ESR1: variants seen among roughly 807,000 people sequenced by gnomAD.
ESR1 encodes estrogen receptor 1, also known as estrogen receptor.
A neutral mutation model predicts 52.7 loss-of-function variants in ESR1; 12 were observed. The ratio of observed to expected loss-of-function variants is 0.23; its 90% CI spans 0.15 to 0.37. The LOEUF (loss-of-function observed/expected upper bound fraction) is 0.37, where lower values mean the gene tolerates loss of function less well. Among genes scored for constraint, ESR1 ranks in the 10% least tolerant of loss-of-function variants. The pLI is 1.00. For missense variants in ESR1, 584 were observed against 779.7 expected (o/e 0.75, Z 2.99); for synonymous variants, 305 against 316.8 (o/e 0.96, Z 0.39).
chr6:152,113,967 G>C (rs1356144901), intron 6 of ESR1, among the ~76,000 whole-genome samples: 1 of 152,182 alleles, frequency 6.6e-6, no homozygotes, highest in African/African-American at 2.4e-5. Flanking sequence ...GTTATGGAAG[G>C]AGCCTCTGTA....
intron 2 of ESR1, among the ~76,000 whole-genome samples, chr6:151,753,191 C>G (rs116336128): frequency 6.6e-6 from 1 of 152,142 alleles, no homozygotes; most frequent in African/African-American, 2.4e-5. Context: ...CCAAAAAGAT[C>G]CTACAAACTG....
Position 151,891,164 on chromosome 6 carries a change from T to C in ESR1, c.760+10393T>C, listed in dbSNP as rs541903103. On this transcript the variant is annotated intron_variant, in intron 3 of 7. Transcript: ENST00000206249. The stretch of plus-strand genomic sequence containing the variant: ...ATTAATTTTTTAATACTCAATTTAT[T>C]TGATTGCTTATTTAGAGATAATTTT... Among the ~76,000 whole-genome samples the C allele has an allele frequency of 3.9e-5, 6 of 152,298 alleles. No homozygotes were observed. In the East Asian group the frequency reaches 9.6e-4, roughly 24 times the overall value.
chr6:151,689,336 C>T (rs780960360), upstream of ESR1, among the ~76,000 whole-genome samples: 1 of 152,192 alleles, frequency 6.6e-6, no homozygotes, highest in Non-Finnish European at 1.5e-5. Context: ...CTTACAGAAC[C>T]CCCACAATGC....
intron 1 of ESR1, among the ~76,000 whole-genome samples, chr6:151,657,548 G>A (rs996575570): frequency 1.3e-5 from 2 of 152,130 alleles, no homozygotes; most frequent in Non-Finnish European, 2.9e-5. Flanking sequence ...TCTACCATGG[G>A]TGTTTAGGTT....
At chr6:152,001,451 C>A (rs1431040759) in intron 4 of ESR1, among the ~76,000 whole-genome samples, 1 of 152,060 alleles carries the variant, frequency 6.6e-6, no homozygotes, top group Non-Finnish European at 1.5e-5. Flanking sequence ...ATGAATACAT[C>A]TTAACATCCT....
intron 5 of ESR1, among the ~76,000 whole-genome samples, chr6:152,013,625 C>T (rs947647212): frequency 5.3e-5 from 8 of 152,040 alleles, no homozygotes; most frequent in Admixed American, 2.0e-4. Context: ...TTTGACATTA[C>T]TGCACCCAAA....
At chr6:151,906,645 G>T (rs983761059) in intron 3 of ESR1, among the ~76,000 whole-genome samples, 1 of 149,622 alleles carries the variant, frequency 6.7e-6, no homozygotes, top group Non-Finnish European at 1.5e-5. Context: ...ATCTTTTACA[G>T]ATATTTATAT....
intron 3 of ESR1, among the ~76,000 whole-genome samples, chr6:151,909,267 G>A (rs543367436): frequency 1.8e-4 from 28 of 152,302 alleles, no homozygotes; most frequent in African/African-American, 6.0e-4. Flanking sequence ...CCTGCTAGCC[G>A]TTTACAGCGA....
intron 3 of ESR1, among the ~76,000 whole-genome samples, chr6:151,921,020 G>A (rs151078037): frequency 3.7e-4 from 57 of 152,020 alleles, no homozygotes; most frequent in African/African-American, 1.3e-3. Context: ...TGCTGCACCC[G>A]TCAGCTCATC....
intron 3 of ESR1, among the ~76,000 whole-genome samples, chr6:151,897,918 T>A (rs940358357): frequency 6.6e-6 from 1 of 152,220 alleles, no homozygotes; most frequent in Non-Finnish European, 1.5e-5. Context: ...GCGTTGTTTT[T>A]ATCTGAAAAA....
intron 3 of ESR1, among the ~76,000 whole-genome samples, chr6:151,899,599 A>C (rs1210069123): frequency 1.4e-5 from 2 of 145,886 alleles, no homozygotes; most frequent in African/African-American, 5.0e-5. Flanking sequence ...TCCCTCCCGG[A>C]CGGGGTGGCT....
chr6:151,748,947 A>G (rs973598814), intron 2 of ESR1, among the ~76,000 whole-genome samples: 9 of 152,190 alleles, frequency 5.9e-5, no homozygotes, highest in African/African-American at 2.2e-4. Context: ...ACTGGCATTT[A>G]TTCAGCATTT....
upstream of ESR1, among the ~76,000 whole-genome samples, chr6:151,800,760 G>A (rs577667288): frequency 4.1e-4 from 62 of 152,158 alleles, 1 homozygote; most frequent in Middle Eastern, 3.4e-3. Flanking sequence ...ATATTTTTTT[G>A]AGTGAATTGA....
intron 2 of ESR1, among the ~76,000 whole-genome samples, chr6:151,871,844 G>T (rs1006716081): frequency 2.0e-5 from 3 of 152,096 alleles, no homozygotes; most frequent in African/African-American, 7.2e-5. Flanking sequence ...TTGTCCTTTT[G>T]TGTCTGGCTT....
intron 6 of ESR1, among the ~76,000 whole-genome samples, chr6:152,077,162 G>A (rs999651055): frequency 6.6e-6 from 1 of 152,212 alleles, no homozygotes; most frequent in South Asian, 2.1e-4. Context: ...TAGGAACTTG[G>A]TGCCCTGCAT....
At chr6:151,897,748 AT>A (rs912099486) in intron 3 of ESR1, among the ~76,000 whole-genome samples, 19 of 151,754 alleles carry the variant, frequency 1.3e-4, no homozygotes, top group African/African-American at 4.6e-4. Flanking sequence ...TATACCTTGG[AT>A]TTTTTTTAGT....
At chr6:152,019,409 A>G (rs1040962738) in intron 5 of ESR1, among the ~76,000 whole-genome samples, 3 of 152,212 alleles carry the variant, frequency 2.0e-5, no homozygotes, top group Non-Finnish European at 2.9e-5. Flanking sequence ...TTTCTCCTTA[A>G]AAACAAAAGC....
At chr6:151,855,803 C>T (rs1427445599) in intron 2 of ESR1, among the ~76,000 whole-genome samples, 2 of 152,028 alleles carry the variant, frequency 1.3e-5, no homozygotes, top group Non-Finnish European at 2.9e-5. Context: ...ACAGAATGCT[C>T]TAGATTAAAC....
In ESR1 at chr6:151,933,294, A is replaced by G. The variant is rs528083377; in HGVS notation, c.761-10879A>G. Among the ~76,000 whole-genome samples the G allele has an allele frequency of 2.9e-3, 437 of 149,880 alleles. 4 individuals are homozygous for G. Among genetic ancestry groups the G allele is most frequent in the South Asian group, 9.9e-3 (46 of 4,648 alleles). Reference sequence around the variant, plus strand: ...GTATAAGAATGCTTGTGATTTTTGTACATTGATTTTGTATCCTGAGACTTT... The same window carrying G: ...GTATAAGAATGCTTGTGATTTTTGTGCATTGATTTTGTATCCTGAGACTTT... On this transcript the variant is annotated intron_variant, in intron 3 of 7. Coordinates refer to ENST00000206249, the MANE Select transcript of ESR1 (RefSeq NM_000125.4).
Sources: allele counts gnomAD v4.1 joint callset (sites outside exome capture counted in the v4.1 genomes callset), GRCh38; gene constraint gnomAD v4.1.1; transcripts MANE v1.5; gene names NCBI Gene and HGNC (gene_info 2026-07-23, HGNC 2026-07-21).